NRG3: variants seen among roughly 807,000 people sequenced by gnomAD.
The protein encoded by NRG3 is neuregulin 3, also known as pro-neuregulin-3, membrane-bound isoform.
NRG3 carries 31 observed loss-of-function variants against 66.9 expected under a neutral mutation model. The observed-to-expected ratio is 0.46, with a 90% confidence interval of 0.35 to 0.63. NRG3 has a LOEUF of 0.63. Among genes scored for constraint, NRG3 ranks in the 20% least tolerant of loss-of-function variants. The probability of loss-of-function intolerance (pLI) is 0.00; values close to 1 mark genes in which losing one functional copy is unlikely to be tolerated. For synonymous variants in NRG3, 393 were observed against 359.4 expected (o/e 1.09, Z -1.06); for missense variants, 910 against 878.9 (o/e 1.04, Z -0.45).
chr10:82,469,132 C>T (rs930363798), intron 2 of NRG3, among the ~76,000 whole-genome samples: 3 of 152,160 alleles, frequency 2.0e-5, no homozygotes, highest in African/African-American at 4.8e-5. Flanking sequence ...GAGTTCTTTT[C>T]ATTTTGCTTT....
intron 2 of NRG3, among the ~76,000 whole-genome samples, chr10:82,588,187 C>A (rs2046782731): frequency 6.6e-6 from 1 of 152,124 alleles, no homozygotes; most frequent in South Asian, 2.1e-4. Context: ...GGATATTTGA[C>A]CCCTCTAAGT....
At chr10:82,695,036 A>G (rs1161827090) in intron 2 of NRG3, among the ~76,000 whole-genome samples, 2 of 152,164 alleles carry the variant, frequency 1.3e-5, no homozygotes, top group Non-Finnish European at 2.9e-5. Context: ...ATAATTTTAT[A>G]AAATAGAATA....
Position 82,060,513 on chromosome 10 carries a change from T to C in NRG3, c.823+184350T>C, listed in dbSNP as rs569980493. 2.6e-5 allele frequency among the ~76,000 whole-genome samples: 4 copies of C among 152,314 alleles called. No individual in the cohort carries two copies. In the East Asian group the frequency reaches 7.7e-4, roughly 29 times the overall value. On this transcript the variant is annotated intron_variant, in intron 1 of 8. Transcript: ENST00000372141. ...GGTTATGCATAGATCAAAGATGCAA[T>C]AGGGAACGTTTTAAGTGATGTTGTA...
At chr10:81,905,356 A>C (rs1389755305) in intron 1 of NRG3, among the ~76,000 whole-genome samples, 1 of 152,104 alleles carries the variant, frequency 6.6e-6, no homozygotes, top group Non-Finnish European at 1.5e-5. Context: ...ACGTGTTCTA[A>C]CCTGCAAAGC....
At chr10:82,311,297 T>A (rs1738365797) in intron 1 of NRG3, among the ~76,000 whole-genome samples, 8 of 152,214 alleles carry the variant, frequency 5.3e-5, no homozygotes, top group Admixed American at 5.2e-4. Context: ...TAAATGTCTA[T>A]ACTTTTATCT....
intron 1 of NRG3, among the ~76,000 whole-genome samples, chr10:81,936,021 C>T (rs1025761488): frequency 6.6e-5 from 10 of 151,810 alleles, no homozygotes; most frequent in Admixed American, 1.3e-4. Flanking sequence ...ACAGCAGTGG[C>T]GTGTTTCAGT....
intron 1 of NRG3, among the ~76,000 whole-genome samples, chr10:82,151,775 G>A (rs1029569245): frequency 1.3e-5 from 2 of 152,128 alleles, no homozygotes; most frequent in African/African-American, 4.8e-5. Flanking sequence ...GATGATCACT[G>A]TCCCATAAAA....
At chr10:82,500,216 T>A (rs1346218377) in intron 2 of NRG3, among the ~76,000 whole-genome samples, 1 of 152,190 alleles carries the variant, frequency 6.6e-6, no homozygotes, top group East Asian at 1.9e-4. Context: ...ACCATTACCC[T>A]GAAATCTTAC....
At position 82,738,527 on chromosome 10, in the gene NRG3, A is replaced by T. The variant is rs59395741; in HGVS notation, c.954-50A>T. 23 of 1,421,266 alleles carry T rather than the reference A, an allele frequency of 1.6e-5. No individual in the cohort carries two copies. The South Asian group carries it at 2.5e-4, about 16-fold the overall frequency. The allele number at this position is 1,421,266 out of a possible 1,614,324, so 88.0% of individuals were successfully genotyped here. ...GGCTATTTTACTTGTTGAAATCTTA[A>T]GTCTTTCACAACCACATGCGTATGT... On this transcript the variant is annotated intron_variant, in intron 2 of 8. Transcript: ENST00000372141.
chr10:82,713,635 A>G (rs993876783), intron 2 of NRG3, among the ~76,000 whole-genome samples: 2 of 152,208 alleles, frequency 1.3e-5, no homozygotes, highest in South Asian at 2.1e-4. Context: ...AAATAATACA[A>G]ATACAGAGGA....
intron 2 of NRG3, among the ~76,000 whole-genome samples, chr10:82,538,619 T>C (rs916475089): frequency 6.6e-6 from 1 of 152,004 alleles, no homozygotes; most frequent in Non-Finnish European, 1.5e-5. Flanking sequence ...ACCCTAACTC[T>C]ACAACAGTAG....
At position 82,660,691 on chromosome 10, in the gene NRG3, C is replaced by G. The variant is rs2052287627; in HGVS notation, c.954-77886C>G. On this transcript the variant is annotated intron_variant, in intron 2 of 8. Transcript: ENST00000372141. ...GCTCAGGATCTTTACCCAATTATCT[C>G]TTGCGTTCCTGTTATTTTTTTCTAA... Among the ~76,000 whole-genome samples, 3 of 152,258 alleles carry G rather than the reference C, an allele frequency of 2.0e-5. No individual in the cohort carries two copies. In the South Asian group the frequency reaches 6.2e-4, roughly 32 times the overall value.
chr10:82,050,717 T>C (rs1589918266), intron 1 of NRG3, among the ~76,000 whole-genome samples: 1 of 150,212 alleles, frequency 6.7e-6, no homozygotes, highest in African/African-American at 2.4e-5. Context: ...GCCAACCAGG[T>C]ACCACTTTAA....
At chr10:82,686,307 C>T (rs893378879) in intron 2 of NRG3, among the ~76,000 whole-genome samples, 3 of 151,948 alleles carry the variant, frequency 2.0e-5, no homozygotes, top group African/African-American at 7.3e-5. Flanking sequence ...CCTGCCTCAA[C>T]CTCCCGAGTA....
In NRG3 at chr10:82,090,482, G is replaced by A. The variant is rs186345801; in HGVS notation, c.823+214319G>A. On this transcript the variant is annotated intron_variant, in intron 1 of 8. Transcript: ENST00000372141. ...AAATTTGAGAAAAGCAACAAAGTAT[G>A]AGGAAAACATATATGCCAACAACTG... is the stretch of plus-strand genomic sequence containing the variant. Among the ~76,000 whole-genome samples the A allele has an allele frequency of 2.6e-5, 4 of 152,314 alleles. No homozygotes were observed. The East Asian group carries it at 7.7e-4, about 29-fold the overall frequency.
At chr10:82,097,134 A>G (rs1193875527) in intron 1 of NRG3, among the ~76,000 whole-genome samples, 2 of 151,944 alleles carry the variant, frequency 1.3e-5, no homozygotes, top group African/African-American at 2.4e-5. Flanking sequence ...TGTCGCTATA[A>G]TTTTGTTACC....
At chr10:82,571,046 G>A (rs2045701759) in intron 2 of NRG3, among the ~76,000 whole-genome samples, 2 of 150,980 alleles carry the variant, frequency 1.3e-5, no homozygotes, top group Non-Finnish European at 3.0e-5. Context: ...ATTTCTCCTC[G>A]ACTCAATTTA....
chr10:82,968,063 A>G (rs187341893), intron 6 of NRG3, among the ~76,000 whole-genome samples: 2 of 152,316 alleles, frequency 1.3e-5, no homozygotes, highest in East Asian at 3.9e-4. Flanking sequence ...GTGCCCTTCA[A>G]CCTCAATTAT....
intron 1 of NRG3, among the ~76,000 whole-genome samples, chr10:81,974,176 A>G (rs1156851774): frequency 6.6e-6 from 1 of 152,106 alleles, no homozygotes; most frequent in African/African-American, 2.4e-5. Context: ...TCCTTTCCCC[A>G]TTGCTTGTTT....
Sources: allele counts gnomAD v4.1 joint callset (sites outside exome capture counted in the v4.1 genomes callset), GRCh38; gene constraint gnomAD v4.1.1; transcripts MANE v1.5; gene names NCBI Gene and HGNC (gene_info 2026-07-23, HGNC 2026-07-21).